Variants in PTK2B observed in about 807,000 individuals in gnomAD.
PTK2B encodes the protein protein-tyrosine kinase 2-beta.
Under a neutral mutation model 142.9 loss-of-function variants are expected in PTK2B, and 71 were observed. The ratio of observed to expected loss-of-function variants is 0.50; its 90% CI spans 0.41 to 0.61. PTK2B has a LOEUF of 0.61. Among genes scored for constraint, PTK2B ranks in the 20% least tolerant of loss-of-function variants. The pLI is 0.00. For synonymous variants in PTK2B, 519 were observed against 503.4 expected (o/e 1.03, Z -0.42); for missense variants, 1,105 against 1,320.4 (o/e 0.84, Z 2.53).
At chr8:27,360,244 G>T (rs1033036488) in intron 1 of PTK2B, among the ~76,000 whole-genome samples, 1 of 152,226 alleles carries the variant, frequency 6.6e-6, no homozygotes, top group Non-Finnish European at 1.5e-5. Context: ...GGTCTAGGGT[G>T]ACGCATAAAG....
chr8:27,447,290 C>A (rs1382412769), intron 24 of PTK2B, among the ~76,000 whole-genome samples: 1 of 152,084 alleles, frequency 6.6e-6, no homozygotes. Flanking sequence ...AATAAACAAA[C>A]CCAAAAAAGT....
chr8:27,392,501 C>T (rs1234846063), intron 1 of PTK2B, among the ~76,000 whole-genome samples: 1 of 152,102 alleles, frequency 6.6e-6, no homozygotes, highest in Non-Finnish European at 1.5e-5. Context: ...CACCACCCTT[C>T]TATGAGGAAA....
intron 2 of PTK2B, among the ~76,000 whole-genome samples, chr8:27,412,122 G>A (rs1274647513): frequency 6.6e-6 from 1 of 152,096 alleles, no homozygotes; most frequent in Non-Finnish European, 1.5e-5. Context: ...CCTGAGCTTT[G>A]GTGCCCAGGA....
intron 1 of PTK2B, among the ~76,000 whole-genome samples, chr8:27,372,532 G>A (rs1049832087): frequency 6.6e-6 from 1 of 152,126 alleles, no homozygotes; most frequent in Non-Finnish European, 1.5e-5. Context: ...TAGGGAGGTC[G>A]ATCCACTTTA....
At position 27,458,636 on chromosome 8, in the gene PTK2B, G is replaced by T; in HGVS notation, c.*127G>T. The T allele has an allele frequency of 4.2e-6, 4 of 962,604 alleles. No individual in the cohort carries two copies. In the South Asian group the frequency reaches 6.4e-5, roughly 15 times the overall value. The allele number at this position is 962,604 out of a possible 1,614,324, so 59.6% of individuals were successfully genotyped here. A position where few individuals can be genotyped will look rare whatever the true frequency, so the allele number is the denominator to read the frequency against. On this transcript the variant is annotated 3_prime_UTR_variant, in exon 31 of 31. Coordinates refer to ENST00000346049, the MANE Select transcript of PTK2B (RefSeq NM_173176.3). ...GGGAGTCACCTTCCCTTGCCACTTT[G>T]CACGACGCCCTCTCCCCACCCCTAC...
intron 1 of PTK2B, among the ~76,000 whole-genome samples, chr8:27,378,654 C>G (rs986405525): frequency 6.9e-6 from 1 of 145,034 alleles, no homozygotes; most frequent in Admixed American, 7.0e-5. Context: ...TGTGTGTACA[C>G]AAGGCAATCA....
chr8:27,456,016 C>T (rs1812118368), intron 30 of PTK2B, among the ~76,000 whole-genome samples: 1 of 152,220 alleles, frequency 6.6e-6, no homozygotes, highest in South Asian at 2.1e-4. Flanking sequence ...GCCTCTCTCT[C>T]AGGGGCAGTG....
intron 1 of PTK2B, among the ~76,000 whole-genome samples, chr8:27,341,973 T>C (rs961564311): frequency 6.6e-6 from 1 of 152,152 alleles, no homozygotes; most frequent in Non-Finnish European, 1.5e-5. Flanking sequence ...CCACCCCACC[T>C]GGCTGCAGGG....
chr8:27,348,328 G>T (rs1804835336), intron 1 of PTK2B, among the ~76,000 whole-genome samples: 1 of 152,152 alleles, frequency 6.6e-6, no homozygotes, highest in Non-Finnish European at 1.5e-5. Flanking sequence ...TCTCTGCCCT[G>T]TTTCCTCTGC....
chr8:27,444,723 A>G (rs1811356676), intron 23 of PTK2B, among the ~76,000 whole-genome samples: 1 of 150,420 alleles, frequency 6.6e-6, no homozygotes, highest in Non-Finnish European at 1.5e-5. Context: ...CCCAACCATG[A>G]CTCTTTCCCA....
rs1804393650 is a variant in PTK2B, at chr8:27,341,427, T to C, written c.-38+15746T>C. Among the ~76,000 whole-genome samples the C allele has an allele frequency of 2.0e-5, 3 of 152,280 alleles. No homozygotes were observed. The South Asian group carries it at 6.2e-4, about 32-fold the overall frequency. ...GTGCTTGTTTTGGGATGGTCTCTGA[T>C]ACCTGTGGAAATGAGGGGCATCAGA... On this transcript the variant is annotated intron_variant, in intron 1 of 30. Transcript: ENST00000346049.
intron 1 of PTK2B, among the ~76,000 whole-genome samples, chr8:27,345,390 C>T (rs576844286): frequency 3.5e-4 from 53 of 152,330 alleles, no homozygotes; most frequent in African/African-American, 1.3e-3. Context: ...ATCTTTTATA[C>T]ATTTAAACAC....
intron 24 of PTK2B, among the ~76,000 whole-genome samples, chr8:27,446,926 A>G (rs1299215054): frequency 2.0e-5 from 3 of 152,182 alleles, no homozygotes; most frequent in African/African-American, 7.2e-5. Context: ...TCTCTTTTAT[A>G]TTAATTTAAC....
intron 1 of PTK2B, among the ~76,000 whole-genome samples, chr8:27,364,483 T>A (rs1433037073): frequency 1.3e-5 from 2 of 152,182 alleles, no homozygotes; most frequent in African/African-American, 2.4e-5. Context: ...AAGAAAAGCT[T>A]CCTGACGGAG....
Position 27,440,125 on chromosome 8 carries a change from AGGG to A in PTK2B, c.1835-111_1835-109del. ...GACCCCAGGGTGCTGGAGGAGGAGG[AGGG>A]ACCGCAGGAGCTGCTCCTGGTGGAG... On this transcript the variant is annotated intron_variant, in intron 20 of 30. Transcript: ENST00000346049. The A allele has an allele frequency of 6.5e-6, 7 of 1,069,368 alleles. No individual in the cohort carries two copies. The South Asian group carries it at 1.0e-4, about 16-fold the overall frequency. The allele number at this position is 1,069,368 out of a possible 1,614,324, so 66.2% of individuals were successfully genotyped here.
At chr8:27,332,540 A>G (rs1414407908) in intron 1 of PTK2B, among the ~76,000 whole-genome samples, 1 of 149,150 alleles carries the variant, frequency 6.7e-6, no homozygotes, top group Non-Finnish European at 1.5e-5. Context: ...TCTCCCCATC[A>G]CCCCCTTTAC....
Position 27,420,176 on chromosome 8 carries a change from T to C in PTK2B, c.383+103T>C, listed in dbSNP as rs540378696. ...AGAGCACTCCCCTGCCTCAGAAACTTCTAGCAAACCTGAGTGGCATTCTAG... is the reference window on the plus strand; with the variant it reads ...AGAGCACTCCCCTGCCTCAGAAACTCCTAGCAAACCTGAGTGGCATTCTAG... On this transcript the variant is annotated intron_variant, in intron 3 of 30. Transcript: ENST00000346049. 2.9e-6 allele frequency: 4 copies of C among 1,375,392 alleles called. No homozygotes were observed. The East Asian group carries it at 9.5e-5, about 33-fold the overall frequency. The allele number at this position is 1,375,392 out of a possible 1,614,324, so 85.2% of individuals were successfully genotyped here. A position where few individuals can be genotyped will look rare whatever the true frequency, so the allele number is the denominator to read the frequency against.
intron 1 of PTK2B, among the ~76,000 whole-genome samples, chr8:27,371,197 A>C (rs1381403132): frequency 2.0e-5 from 3 of 152,174 alleles, no homozygotes; most frequent in African/African-American, 7.2e-5. Context: ...TCTGGCCCCA[A>C]GTTAGTCTTT....
chr8:27,318,392 C>A (rs1803137238), intron 3 of PTK2B, among the ~76,000 whole-genome samples: 1 of 152,128 alleles, frequency 6.6e-6, no homozygotes, highest in African/African-American at 2.4e-5. Flanking sequence ...TGTTGGGGAC[C>A]AGATGAGCCC....
Sources: allele counts gnomAD v4.1 joint callset (sites outside exome capture counted in the v4.1 genomes callset), GRCh38; gene constraint gnomAD v4.1.1; transcripts MANE v1.5; gene names NCBI Gene and HGNC (gene_info 2026-07-23, HGNC 2026-07-21).